The following CDH4 variants were observed in gnomAD, a reference collection of about 807,000 sequenced individuals.
The protein encoded by CDH4 is cadherin-4.
A neutral mutation model predicts 86.0 loss-of-function variants in CDH4; 33 were observed. The observed-to-expected ratio is 0.38, with a 90% CI of 0.29 to 0.51. CDH4 has a LOEUF of 0.51. Ranked by LOEUF, CDH4 falls within the 20% of genes least tolerant of loss-of-function variation. The pLI, the probability that CDH4 is intolerant of heterozygous loss-of-function variation, is 0.86. For synonymous variants in CDH4, 555 were observed against 549.4 expected, an observed-to-expected ratio of 1.01 and a Z score of -0.14; for missense variants, 1,114 against 1,307.4, an observed-to-expected ratio of 0.85 and a Z score of 2.28.
intron 2 of CDH4, among the ~76,000 whole-genome samples, chr20:61,500,328 T>C (rs1483362259): frequency 1.3e-5 from 2 of 152,224 alleles, no homozygotes; most frequent in Non-Finnish European, 2.9e-5. Flanking sequence ...TATAAAGCCA[T>C]TGCTCACTCG....
intron 2 of CDH4, among the ~76,000 whole-genome samples, chr20:61,323,337 A>G (rs569819930): frequency 6.6e-6 from 1 of 152,286 alleles, no homozygotes; most frequent in Admixed American, 6.5e-5. Flanking sequence ...TTTGTTCATC[A>G]GCCTGCCAGG....
intron 3 of CDH4, among the ~76,000 whole-genome samples, chr20:61,770,802 G>A (rs1026125468): frequency 1.3e-5 from 2 of 151,594 alleles, no homozygotes; most frequent in Non-Finnish European, 2.9e-5. Flanking sequence ...AGAATGGCAT[G>A]AGCCCGGGAG....
chr20:61,936,361 A>C (rs1477153404), intron 15 of CDH4, among the ~76,000 whole-genome samples: 1 of 3,258 alleles, frequency 3.1e-4, no homozygotes, highest in Non-Finnish European at 5.8e-4. Context: ...CCCCTTCCCC[A>C]CACCCCCTCC....
chr20:61,839,753 GTGTGTTGTATA>G (rs1429516180), intron 4 of CDH4, among the ~76,000 whole-genome samples: 2 of 151,640 alleles, frequency 1.3e-5, no homozygotes, highest in Admixed American at 1.3e-4. Flanking sequence ...ATGTATGTTT[GTGTGTTGTATA>G]TGTGTTGTGT....
intron 2 of CDH4, among the ~76,000 whole-genome samples, chr20:61,305,059 G>T (rs112648618): frequency 1.3e-3 from 204 of 152,028 alleles, no homozygotes; most frequent in African/African-American, 4.8e-3. Context: ...CGTGTGTTGT[G>T]TATGTGCAGT....
intron 2 of CDH4, among the ~76,000 whole-genome samples, chr20:61,413,618 T>C (rs907462278): frequency 6.6e-6 from 1 of 152,208 alleles, no homozygotes; most frequent in African/African-American, 2.4e-5. Context: ...CATTATTGTG[T>C]GATTCCTGCC....
intron 6 of CDH4, among the ~76,000 whole-genome samples, chr20:61,863,541 C>G (rs1429424059): frequency 6.6e-6 from 1 of 152,120 alleles, no homozygotes; most frequent in African/African-American, 2.4e-5. Context: ...TGCAGGGAGC[C>G]CAGTTTCAGG....
At chr20:61,917,120 C>T (rs78162468) in intron 9 of CDH4, among the ~76,000 whole-genome samples, 247 of 152,326 alleles carry the variant, frequency 1.6e-3, no homozygotes, top group African/African-American at 5.7e-3. Context: ...ATCTCGGGCA[C>T]GTCATCCAGA....
intron 4 of CDH4, among the ~76,000 whole-genome samples, chr20:61,798,072 C>T (rs1040470907): frequency 6.6e-6 from 1 of 152,220 alleles, no homozygotes; most frequent in African/African-American, 2.4e-5. Context: ...CTCTGAGTCT[C>T]GCTGTCACAT....
At chr20:61,731,303 C>T (rs998897841) in intron 2 of CDH4, among the ~76,000 whole-genome samples, 1 of 152,160 alleles carries the variant, frequency 6.6e-6, no homozygotes, top group Non-Finnish European at 1.5e-5. Flanking sequence ...CGGCCCCTCA[C>T]ACGTGCCCAG....
chr20:61,898,498 G>A (rs1776243), intron 8 of CDH4, among the ~76,000 whole-genome samples: 3 of 151,892 alleles, frequency 2.0e-5, no homozygotes, highest in Non-Finnish European at 4.4e-5. Context: ...TATTAACACC[G>A]ATGGGTCCTG....
intron 4 of CDH4, among the ~76,000 whole-genome samples, chr20:61,835,163 G>A (rs1017777316): frequency 3.3e-5 from 5 of 152,058 alleles, no homozygotes; most frequent in African/African-American, 7.2e-5. Flanking sequence ...TGATCCTCCC[G>A]CCTCAGCCCC....
At chr20:61,727,710 G>A (rs766489738) in intron 2 of CDH4, among the ~76,000 whole-genome samples, 1 of 152,136 alleles carries the variant, frequency 6.6e-6, no homozygotes, top group Non-Finnish European at 1.5e-5. Context: ...AGAGTTGGAG[G>A]TGCCAGGCTC....
intron 4 of CDH4, among the ~76,000 whole-genome samples, chr20:61,806,022 G>A (rs763246699): frequency 2.0e-5 from 3 of 152,170 alleles, no homozygotes; most frequent in Admixed American, 6.5e-5. Context: ...AGGAAACCTC[G>A]CCTGGGGGCT....
chr20:61,385,026 G>A (rs1472233285), intron 2 of CDH4, among the ~76,000 whole-genome samples: 1 of 152,160 alleles, frequency 6.6e-6, no homozygotes, highest in Non-Finnish European at 1.5e-5. Context: ...GTGTCTCCAG[G>A]GAGGTTTTGC....
chr20:61,485,194 C>T (rs562590028), intron 2 of CDH4, among the ~76,000 whole-genome samples: 1 of 152,300 alleles, frequency 6.6e-6, no homozygotes, highest in East Asian at 1.9e-4. Context: ...CCGTGAGCTT[C>T]TAAAGATCTC....
At chr20:61,283,793 G>A (rs961491828) in intron 2 of CDH4, among the ~76,000 whole-genome samples, 3 of 152,210 alleles carry the variant, frequency 2.0e-5, no homozygotes, top group East Asian at 1.9e-4. Context: ...GCTCTGTTAC[G>A]TGGCCCTGGA....
intron 4 of CDH4, among the ~76,000 whole-genome samples, chr20:61,790,456 C>G (rs1436478964): frequency 6.6e-6 from 1 of 151,772 alleles, no homozygotes; most frequent in Non-Finnish European, 1.5e-5. Context: ...ATCCATCCAC[C>G]CATCCATCCA....
At chr20:61,461,197 T>C (rs73915052) in intron 2 of CDH4, among the ~76,000 whole-genome samples, 4 of 151,760 alleles carry the variant, frequency 2.6e-5, no homozygotes, top group Non-Finnish European at 1.5e-5. Context: ...CATTTTTTTT[T>C]AAAAAAAATG....
Sources: allele counts gnomAD v4.1 joint callset (sites outside exome capture counted in the v4.1 genomes callset), GRCh38; gene constraint gnomAD v4.1.1; transcripts MANE v1.5; gene names NCBI Gene and HGNC (gene_info 2026-07-23, HGNC 2026-07-21).